FBN2: variants seen among roughly 807,000 people sequenced by gnomAD.
FBN2 encodes fibrillin 2, also known as fibrillin-2.
A neutral mutation model predicts 355.6 loss-of-function variants in FBN2; 105 were observed. The ratio of observed to expected loss-of-function variants is 0.30; its 90% CI spans 0.25 to 0.35. The LOEUF (loss-of-function observed/expected upper bound fraction) is 0.35, where lower values mean the gene tolerates loss of function less well. Among genes scored for constraint, FBN2 ranks in the 10% least tolerant of loss-of-function variants. The pLI, the probability that FBN2 is intolerant of heterozygous loss-of-function variation, is 1.00. For missense variants in FBN2, 3,280 were observed against 3,758.7 expected (o/e 0.87, Z 3.33); for synonymous variants, 1,350 against 1,301.2 (o/e 1.04, Z -0.81).
intron 64 of FBN2, among the ~76,000 whole-genome samples, chr5:128,261,409 A>C (rs1001937634): frequency 6.6e-6 from 1 of 152,238 alleles, no homozygotes; most frequent in African/African-American, 2.4e-5. Context: ...ACAGAACTGA[A>C]CAAATTAAAA....
intron 5 of FBN2, among the ~76,000 whole-genome samples, chr5:128,497,028 T>C (rs1274053413): frequency 3.9e-5 from 6 of 152,076 alleles, no homozygotes; most frequent in Non-Finnish European, 5.9e-5. Flanking sequence ...TAAAACATTG[T>C]TGAAATAAAT....
chr5:128,364,509 T>C lies in FBN2; in HGVS notation c.2428+91A>G, dbSNP rs200486520. On this transcript the variant is annotated intron_variant, in intron 18 of 64. Transcript: ENST00000262464. The stretch of plus-strand genomic sequence containing the variant: ...AAAACAAGAAAAACTGTACAATTTT[T>C]AGTTTTAGTCATTTGTGTTTTTAAT... 2.3e-6 allele frequency: 3 copies of C among 1,311,872 alleles called. No individual in the cohort carries two copies. The East Asian group carries it at 7.4e-5, about 32-fold the overall frequency. The allele number at this position is 1,311,872 out of a possible 1,614,324, so 81.3% of individuals were successfully genotyped here.
chr5:128,471,114 A>G (rs1754848914), intron 5 of FBN2, among the ~76,000 whole-genome samples: 1 of 152,160 alleles, frequency 6.6e-6, no homozygotes, highest in African/African-American at 2.4e-5. Flanking sequence ...ATCATCTTGT[A>G]TGGGAGTTAC....
chr5:128,296,133 T>C (rs1749502294), intron 48 of FBN2, among the ~76,000 whole-genome samples: 5 of 152,226 alleles, frequency 3.3e-5, no homozygotes, highest in African/African-American at 9.6e-5. Context: ...ATATGCTGGA[T>C]TACATTTGTT....
Position 128,536,499 on chromosome 5 carries a change from C to T in FBN2, c.255-15G>A, listed in dbSNP as rs587780942. The T allele has an allele frequency of 2.3e-5, 37 of 1,606,108 alleles. No homozygotes were observed. Among genetic ancestry groups the T allele is most frequent in the Non-Finnish European group, 3.1e-5 (36 of 1,173,814 alleles). Reference sequence around the variant, plus strand: ...ACACGTTGGGCCTGTGATGGACAAGCGCGGTCACGTAACAGATAGGTAGAG... The same window carrying T: ...ACACGTTGGGCCTGTGATGGACAAGTGCGGTCACGTAACAGATAGGTAGAG... On this transcript the variant is annotated splice_polypyrimidine_tract_variant and intron_variant, in intron 1 of 64. Coordinates refer to ENST00000262464, the MANE Select transcript of FBN2 (RefSeq NM_001999.4).
At chr5:128,311,201 A>T in intron 39 of FBN2, 99 bp downstream of exon 39, 1 of 1,269,346 alleles carries the variant, frequency 7.9e-7, no homozygotes, top group South Asian at 1.2e-5. Flanking sequence ...ATCTTAATTG[A>T]GCCTTTTGTA....
Position 128,537,590 on chromosome 5 carries a change from C to G in FBN2, c.14G>C (p.Arg5Pro), listed in dbSNP as rs1194684025. Residue 5 changes from arginine (R) to proline (P), a missense_variant, in exon 1 of 65, where the codon CGG (arginine) becomes CCG (proline). By Grantham distance (103) the Arg-to-Pro change is moderately radical. Coordinates refer to ENST00000262464, the MANE Select transcript of FBN2 (RefSeq NM_001999.4). Reference sequence around the variant, plus strand: ...GAAGTAGAGCTGGAGACACAGCCTCCGTCTTCTCCCCATCGCCGGCGCCGA... The same window carrying G: ...GAAGTAGAGCTGGAGACACAGCCTCGGTCTTCTCCCCATCGCCGGCGCCGA... MGRR[R>P]RLCLQLYFLW... 1.9e-6 allele frequency: 3 copies of G among 1,607,574 alleles called. No homozygotes were observed. Among genetic ancestry groups the G allele is most frequent in the Non-Finnish European group, 2.5e-6 (3 of 1,178,358 alleles).
chr5:128,306,136 A>G (rs1048272467), intron 42 of FBN2, among the ~76,000 whole-genome samples, 188 bp from the exon 43 acceptor site: 3 of 152,216 alleles, frequency 2.0e-5, no homozygotes, highest in African/African-American at 7.2e-5. Context: ...AGAAACAGTG[A>G]TGGAAAAAAT....
chr5:128,352,418 G>C (rs1751392563), intron 20 of FBN2, among the ~76,000 whole-genome samples: 1 of 152,136 alleles, frequency 6.6e-6, no homozygotes, highest in Non-Finnish European at 1.5e-5. Flanking sequence ...GAAATATTAT[G>C]CACTTTAAAA....
At chr5:128,422,190 G>A (rs1340562911) in intron 7 of FBN2, among the ~76,000 whole-genome samples, 1 of 152,190 alleles carries the variant, frequency 6.6e-6, no homozygotes, top group Non-Finnish European at 1.5e-5. Flanking sequence ...CTCTAGAACT[G>A]TAAGACAATA....
rs150608285 is a variant in FBN2, at chr5:128,422,632, T to C, written c.953-13833A>G. ...AATGTGCAGAGCTGGAACATTTTGC[T>C]CTGGAAAAATGTGAAGACACTTCAT... On this transcript the variant is annotated intron_variant, in intron 7 of 64. Coordinates refer to ENST00000262464, the MANE Select transcript of FBN2 (RefSeq NM_001999.4). 6.5e-3 allele frequency among the ~76,000 whole-genome samples: 985 copies of C among 152,296 alleles called. 12 individuals are homozygous for C. The highest frequency in any genetic ancestry group is 0.022 in the African/African-American group (919 of 41,568).
rs1157953212 is a variant in FBN2, at chr5:128,398,237, C to T, written c.1079-2963G>A. Among the ~76,000 whole-genome samples the T allele has an allele frequency of 4.6e-5, 7 of 151,796 alleles. No individual in the cohort carries two copies. In the South Asian group the frequency reaches 1.5e-3, roughly 32 times the overall value. On this transcript the variant is annotated intron_variant, in intron 8 of 64. Coordinates refer to ENST00000262464, the MANE Select transcript of FBN2 (RefSeq NM_001999.4). ...GTCTCAAAAAATTCTCATAAAGTTCCTAGAAAAAAGAGCTGCTAACAGGAA... is the reference window on the plus strand; with the variant it reads ...GTCTCAAAAAATTCTCATAAAGTTCTTAGAAAAAAGAGCTGCTAACAGGAA...
chr5:128,383,688 C>A (rs1752293465), intron 11 of FBN2, among the ~76,000 whole-genome samples: 1 of 151,992 alleles, frequency 6.6e-6, no homozygotes, highest in South Asian at 2.1e-4. Context: ...ATCAAATAAA[C>A]TCATGAAAAG....
intron 6 of FBN2, among the ~76,000 whole-genome samples, chr5:128,455,930 G>C (rs1754371587): frequency 7.4e-6 from 1 of 134,656 alleles, no homozygotes; most frequent in Admixed American, 8.8e-5. Flanking sequence ...GTGGCGACCA[G>C]CTCCAGCTGC....
At chr5:128,328,566 C>T (rs943096809) in intron 34 of FBN2, 130 bp downstream of exon 34, 7 of 982,374 alleles carry the variant, frequency 7.1e-6, no homozygotes, top group South Asian at 4.1e-5. Context: ...CACGCTTAAA[C>T]GAATGACTTT....
intron 16 of FBN2, 45 bp from the exon 17 acceptor site, chr5:128,366,475 C>T (rs1481164135): frequency 1.7e-6 from 2 of 1,192,622 alleles, no homozygotes; most frequent in African/African-American, 1.5e-5. Flanking sequence ...TTAACTATAC[C>T]TATTCCATAT....
chr5:128,477,571 T>C (rs1183900314), intron 5 of FBN2, among the ~76,000 whole-genome samples: 1 of 152,212 alleles, frequency 6.6e-6, no homozygotes, highest in Non-Finnish European at 1.5e-5. Context: ...GTTTGCGTAG[T>C]ACTTTATAGC....
chr5:128,453,225 G>T (rs1754299960), intron 6 of FBN2, among the ~76,000 whole-genome samples: 1 of 152,200 alleles, frequency 6.6e-6, no homozygotes, highest in South Asian at 2.1e-4. Context: ...ACAGAGCATG[G>T]TTCTATCTCG....
At chr5:128,268,853 A>G (rs543369321) in intron 62 of FBN2, among the ~76,000 whole-genome samples, 79 of 152,180 alleles carry the variant, frequency 5.2e-4, no homozygotes, top group Non-Finnish European at 9.6e-4. Context: ...TTAATAAACT[A>G]GATATTGATG....
Sources: gnomAD v4.1 joint callset for allele counts (sites outside exome capture counted in the v4.1 genomes callset) on GRCh38, gnomAD v4.1.1 for gene constraint, MANE v1.5 for transcripts, NCBI Gene and HGNC (gene_info 2026-07-23, HGNC 2026-07-21) for gene names.